SLCO1A2: variants seen among roughly 807,000 people sequenced by gnomAD.
SLCO1A2 encodes the protein OATP-1.
A neutral mutation model predicts 69.0 loss-of-function variants in SLCO1A2; 67 were observed. That is an observed-to-expected ratio of 0.97 (90% CI 0.80 to 1.19). The LOEUF is 1.19. Among genes scored for constraint, SLCO1A2 ranks in the 50% most tolerant of loss-of-function variants. The pLI is 0.00. For synonymous variants in SLCO1A2, 260 were observed against 265.9 expected, an observed-to-expected ratio of 0.98 and a Z score of 0.22; for missense variants, 787 against 793.7, an observed-to-expected ratio of 0.99 and a Z score of 0.10.
At position 21,314,885 on chromosome 12, in the gene SLCO1A2, T is replaced by C. The variant is rs577825330; in HGVS notation, c.203-204A>G. ...GGTTCTGTTTTGCAATGTAGACAGA[T>C]ACAGAAACAGATATCTCTGAAACAC... On this transcript the variant is annotated intron_variant, in intron 3 of 14. Transcript: ENST00000683939. Among the ~76,000 whole-genome samples the C allele has an allele frequency of 4.6e-5, 7 of 152,222 alleles. No individual in the cohort carries two copies. The East Asian group carries it at 1.4e-3, about 29-fold the overall frequency.
chr12:21,335,849 TACGC>T (rs1248192669), upstream of SLCO1A2, among the ~76,000 whole-genome samples: 7 of 152,256 alleles, frequency 4.6e-5, no homozygotes, highest in African/African-American at 1.4e-4. Context: ...GTCATGGTGC[TACGC>T]ACCAGCATTC....
upstream of SLCO1A2, among the ~76,000 whole-genome samples, chr12:21,418,520 T>A (rs1437247221): frequency 6.6e-6 from 1 of 152,118 alleles, no homozygotes; most frequent in Non-Finnish European, 1.5e-5. Flanking sequence ...ATAATCATGA[T>A]GGAAGGCAAA....
In SLCO1A2 at chr12:21,275,349, A is replaced by T; in HGVS notation, c.1675+11T>A. 1 of 1,549,256 alleles carries T rather than the reference A, an allele frequency of 6.5e-7. No homozygotes were observed. Among genetic ancestry groups the T allele is most frequent in the Non-Finnish European group, 8.8e-7 (1 of 1,135,986 alleles). ...TTCTGATAGGATGTGGGAAAAAATA[A>T]CTATTTTTACCAAATACTCTTGTGC... On this transcript the variant is annotated intron_variant, in intron 13 of 14. Transcript: ENST00000683939.
rs1941891857 is a variant in SLCO1A2, at chr12:21,264,720, C to G, written c.*4828G>C. 6.6e-6 allele frequency: 1 copy of G among 152,130 alleles called. No homozygotes were observed. The highest frequency in any genetic ancestry group is 2.4e-5 in the African/African-American group (1 of 41,428). 9.4% of individuals were successfully genotyped at this position (152,130 alleles called of 1,614,324 possible). A position where few individuals can be genotyped will look rare whatever the true frequency, so the allele number is the denominator to read the frequency against. On this transcript the variant is annotated 3_prime_UTR_variant, in exon 15 of 15. Transcript: ENST00000683939. ...ATAGTGTCTCACACAGAAATGACTC[C>G]AAAGCTCTCCTGGAAAGGTTGCCCC...
chr12:21,306,827 A>G (rs1025607278), intron 5 of SLCO1A2, 55 bp downstream of exon 5: 3 of 1,103,820 alleles, frequency 2.7e-6, no homozygotes. Flanking sequence ...CCCTCAGCAG[A>G]AAGTGTTTAG....
chr12:21,274,374 T>C, intron 14 of SLCO1A2, 95 bp downstream of exon 14: 2 of 729,610 alleles, frequency 2.7e-6, no homozygotes, highest in Middle Eastern at 3.2e-4. Context: ...AAAAGTATTC[T>C]TTTCACTTGA....
chr12:21,409,931 A>AT (rs988005778), intron 1 of SLCO1A2, among the ~76,000 whole-genome samples: 22 of 152,032 alleles, frequency 1.4e-4, no homozygotes, highest in Non-Finnish European at 2.6e-4. Context: ...CCTGTGCTCT[A>AT]TTTTTTTGTG....
intron 1 of SLCO1A2, among the ~76,000 whole-genome samples, chr12:21,415,879 T>C (rs1182867310): frequency 2.6e-5 from 4 of 152,072 alleles, no homozygotes; most frequent in Non-Finnish European, 5.9e-5. Flanking sequence ...TCCTCTTTTA[T>C]ATTTTCCTAC....
chr12:21,288,318 G>A (rs933159157), intron 12 of SLCO1A2, among the ~76,000 whole-genome samples: 1 of 152,174 alleles, frequency 6.6e-6, no homozygotes, highest in Non-Finnish European at 1.5e-5. Context: ...GTGCATGCCT[G>A]TAGTCCCCGC....
intron 2 of SLCO1A2, among the ~76,000 whole-genome samples, chr12:21,372,717 T>C (rs1939888452): frequency 6.6e-6 from 1 of 152,234 alleles, no homozygotes; most frequent in Admixed American, 6.5e-5. Flanking sequence ...AAGGACACTG[T>C]GTATTTGCTA....
chr12:21,297,642 C>A, intron 8 of SLCO1A2, 74 bp from the exon 9 acceptor site: 1 of 926,834 alleles, frequency 1.1e-6, no homozygotes, highest in East Asian at 2.7e-5. Flanking sequence ...CCTGAAACAT[C>A]CACCTCCTCA....
intron 1 of SLCO1A2, among the ~76,000 whole-genome samples, chr12:21,404,026 C>T (rs867351644): frequency 4.6e-5 from 7 of 151,906 alleles, no homozygotes; most frequent in African/African-American, 1.5e-4. Context: ...AGAGTTGATG[C>T]GGACAAGGAT....
In SLCO1A2 at chr12:21,358,754, T is replaced by A. The variant is rs373719701; in HGVS notation, c.-63+15645A>T. Among the ~76,000 whole-genome samples, 527 of 134,450 alleles carry A rather than the reference T, an allele frequency of 3.9e-3. 4 individuals are homozygous for A. The highest frequency in any genetic ancestry group is 0.014 in the African/African-American group (499 of 34,762). The allele number at this position is 134,450 out of a possible 152,430, so 88.2% of individuals were successfully genotyped here. On this transcript the variant is annotated intron_variant, in intron 2 of 15. Transcript: ENST00000307378. ...AAAATAAAAAGCGGTTTGTTGGAGA[T>A]ACTTTTAAAATATAAAGATGCAAAC...
intron 1 of SLCO1A2, among the ~76,000 whole-genome samples, chr12:21,410,587 T>C (rs551576549): frequency 2.6e-4 from 39 of 152,296 alleles, no homozygotes; most frequent in Non-Finnish European, 1.5e-4. Flanking sequence ...GCTCCTACTA[T>C]GTAAGTGCAA....
chr12:21,304,388 T>C (rs1367878436), intron 6 of SLCO1A2, 39 bp downstream of exon 6: 19 of 1,512,810 alleles, frequency 1.3e-5, no homozygotes, highest in East Asian at 9.0e-5. Flanking sequence ...AAGGAACATA[T>C]TGCCCTGAAA....
chr12:21,316,454 G>C (rs1274964576), intron 3 of SLCO1A2, among the ~76,000 whole-genome samples: 37 of 151,876 alleles, frequency 2.4e-4, no homozygotes, highest in Admixed American at 2.4e-3. Flanking sequence ...TTAGTGCCCT[G>C]GCAAAGATCA....
chr12:21,306,367 C>T (rs1241923942), intron 5 of SLCO1A2, among the ~76,000 whole-genome samples: 1 of 151,962 alleles, frequency 6.6e-6, no homozygotes, highest in African/African-American at 2.4e-5. Flanking sequence ...ACTCTGTTGC[C>T]CAGGCTGGAG....
intron 1 of SLCO1A2, among the ~76,000 whole-genome samples, chr12:21,384,489 A>T (rs538329438): frequency 6.6e-6 from 1 of 152,284 alleles, no homozygotes; most frequent in African/African-American, 2.4e-5. Context: ...TATTTAGAAC[A>T]AAGGTTATCA....
intron 4 of SLCO1A2, 42 bp downstream of exon 4, chr12:21,314,507 G>T: frequency 1.2e-6 from 2 of 1,610,608 alleles, no homozygotes; most frequent in Non-Finnish European, 1.7e-6. Context: ...TTTCCTGCAA[G>T]TGAAATTTGA....
Sources: allele counts gnomAD v4.1 joint callset (sites outside exome capture counted in the v4.1 genomes callset), GRCh38; gene constraint gnomAD v4.1.1; transcripts MANE v1.5; gene names NCBI Gene and HGNC (gene_info 2026-07-23, HGNC 2026-07-21).